CEP83: variants seen among roughly 807,000 people sequenced by gnomAD.
The protein encoded by CEP83 is centrosomal protein of 83 kDa.
CEP83 carries 70 observed loss-of-function variants against 101.9 expected under a neutral mutation model. The observed-to-expected ratio is 0.69, with a 90% CI of 0.57 to 0.84. The LOEUF is 0.84. Among genes scored for constraint, CEP83 ranks in the 40% least tolerant of loss-of-function variants. The pLI is 0.00. For synonymous variants in CEP83, 264 were observed against 267.9 expected, an observed-to-expected ratio of 0.99 and a Z score of 0.14; for missense variants, 715 against 787.2, an observed-to-expected ratio of 0.91 and a Z score of 1.10.
chr12:94,285,690 C>T, the CEP83 span, among the ~76,000 whole-genome samples: 1 of 152,112 alleles, frequency 6.6e-6, no homozygotes, highest in African/African-American at 2.4e-5. Flanking sequence ...AGGAGGAGAT[C>T]GGAGTCAGAG....
At chr12:94,274,058 C>T in the CEP83 span, among the ~76,000 whole-genome samples, 1 of 148,418 alleles carries the variant, frequency 6.7e-6, no homozygotes, top group Non-Finnish European at 1.5e-5. Context: ...TGGTGGCTCA[C>T]ACCTGTAATC....
At chr12:94,355,798 C>G (rs538326279) in intron 11 of CEP83, among the ~76,000 whole-genome samples, 14 of 152,374 alleles carry the variant, frequency 9.2e-5, no homozygotes, top group African/African-American at 3.4e-4. Context: ...GCCTGAGCAT[C>G]TGTGTCTTAA....
intron 1 of CEP83, among the ~76,000 whole-genome samples, chr12:94,444,164 C>T (rs1014327080): frequency 1.3e-5 from 2 of 152,098 alleles, no homozygotes; most frequent in Admixed American, 6.5e-5. Flanking sequence ...TTTGGGAGAC[C>T]GAGGTGGGCA....
intron 11 of CEP83, among the ~76,000 whole-genome samples, chr12:94,336,760 A>G (rs925920631): frequency 6.6e-5 from 10 of 151,826 alleles, no homozygotes; most frequent in Non-Finnish European, 1.3e-4. Context: ...TAGCTACATG[A>G]TTACTCATTC....
At chr12:94,393,533 A>C (rs141789029) in intron 6 of CEP83, among the ~76,000 whole-genome samples, 17,637 of 152,246 alleles carry the variant, frequency 0.12, 1,160 homozygotes, top group African/African-American at 0.18. Context: ...TGAATGGGCA[A>C]AAACTGGAAG....
upstream of CEP83, chr12:94,460,052 C>G (rs1234442308): frequency 6.6e-6 from 1 of 152,302 alleles, no homozygotes; most frequent in African/African-American, 2.4e-5. Flanking sequence ...AGGGAGGAGA[C>G]AAACGAACCG....
the CEP83 span, chr12:94,279,700 C>A: frequency 6.7e-7 from 1 of 1,498,416 alleles, no homozygotes; most frequent in Admixed American, 1.7e-5. Context: ...AGTGTCCCTC[C>A]CTGCCTGCCC....
intron 11 of CEP83, among the ~76,000 whole-genome samples, chr12:94,351,792 G>A (rs1248016087): frequency 6.6e-6 from 1 of 152,130 alleles, no homozygotes; most frequent in Non-Finnish European, 1.5e-5. Context: ...CCCCACAACT[G>A]GCAAAGCCAC....
intron 6 of CEP83, among the ~76,000 whole-genome samples, chr12:94,396,112 C>T (rs1013956205): frequency 1.1e-4 from 17 of 151,970 alleles, no homozygotes; most frequent in African/African-American, 2.2e-4. Flanking sequence ...TAATTACCTG[C>T]GCCTACAACT....
chr12:94,331,302 A>AAAAG (rs1555220979), intron 14 of CEP83, among the ~76,000 whole-genome samples: 1 of 125,114 alleles, frequency 8.0e-6, no homozygotes, highest in African/African-American at 3.3e-5. Flanking sequence ...AAAAAAAAAA[A>AAAAG]AAAAAAAAAA....
intron 1 of CEP83, among the ~76,000 whole-genome samples, chr12:94,453,679 G>C (rs986989748): frequency 6.6e-6 from 1 of 152,138 alleles, no homozygotes; most frequent in Non-Finnish European, 1.5e-5. Context: ...TAAATTGGAA[G>C]CATACCATTT....
chr12:94,456,359 T>A (rs73372218), intron 1 of CEP83, among the ~76,000 whole-genome samples: 11,616 of 152,270 alleles, frequency 0.076, 539 homozygotes, highest in African/African-American at 0.12. Flanking sequence ...TCCCCTTCAC[T>A]TACTCTCTTC....
At chr12:94,417,153 C>G (rs924041144) in intron 2 of CEP83, among the ~76,000 whole-genome samples, 3 of 150,694 alleles carry the variant, frequency 2.0e-5, no homozygotes, top group Non-Finnish European at 4.4e-5. Flanking sequence ...GTCTCAAAAA[C>G]AAACAAAAAA....
intron 11 of CEP83, among the ~76,000 whole-genome samples, chr12:94,350,397 G>A (rs1327566014): frequency 2.0e-5 from 3 of 152,128 alleles, no homozygotes; most frequent in East Asian, 3.9e-4. Flanking sequence ...AAAGGGCAAT[G>A]TTGTCAACAA....
the CEP83 span, among the ~76,000 whole-genome samples, chr12:94,289,166 C>T: frequency 2.6e-5 from 4 of 152,252 alleles, no homozygotes; most frequent in East Asian, 7.7e-4. Context: ...GAAATCTTAC[C>T]TTCACTTGCA....
intron 14 of CEP83, among the ~76,000 whole-genome samples, chr12:94,319,904 CTT>C (rs926230885): frequency 6.6e-6 from 1 of 152,086 alleles, no homozygotes; most frequent in Non-Finnish European, 1.5e-5. Context: ...TCCTGAATAT[CTT>C]TGTTAACTTT....
At chr12:94,278,291 C>G in the CEP83 span, among the ~76,000 whole-genome samples, 2 of 152,224 alleles carry the variant, frequency 1.3e-5, no homozygotes, top group African/African-American at 4.8e-5. Context: ...AGAATCTAAA[C>G]TGCTATGTTA....
rs142093423 is a variant in CEP83 at position 94,444,125 on chromosome 12, G to A, written c.-154-8798C>T. 1.1e-3 allele frequency among the ~76,000 whole-genome samples: 170 copies of A among 152,304 alleles called. 1 individual carries two copies. In the East Asian group the frequency reaches 0.022, roughly 20 times the overall value. Reference sequence around the variant, plus strand: ...AAGAAATTTCTACCTCAGGCCGGGCGTGGTGGCTCACGCCCGTAATTCCAG... The same window carrying A: ...AAGAAATTTCTACCTCAGGCCGGGCATGGTGGCTCACGCCCGTAATTCCAG... On this transcript the variant is annotated intron_variant, in intron 1 of 16. Transcript: ENST00000397809.
At chr12:94,353,328 C>T (rs547277830) in intron 11 of CEP83, among the ~76,000 whole-genome samples, 2 of 152,280 alleles carry the variant, frequency 1.3e-5, no homozygotes, top group East Asian at 3.9e-4. Context: ...ACTAAACCTA[C>T]TCAACAAGAA....
Sources: allele counts gnomAD v4.1 joint callset (sites outside exome capture counted in the v4.1 genomes callset), GRCh38; gene constraint gnomAD v4.1.1; transcripts MANE v1.5; gene names NCBI Gene and HGNC (gene_info 2026-07-23, HGNC 2026-07-21).